SHC4: variants seen among roughly 807,000 people sequenced by gnomAD.
SHC4 encodes the protein SHC adaptor protein 4.
SHC4 carries 41 observed loss-of-function variants against 69.4 expected under a neutral mutation model. That is an observed-to-expected ratio of 0.59 (90% confidence interval 0.46 to 0.77). The LOEUF (loss-of-function observed/expected upper bound fraction) is 0.77. SHC4 is among the 30% of genes least tolerant of loss of function. SHC4 has a pLI of 0.00. For synonymous variants in SHC4, 318 were observed against 299.3 expected, an observed-to-expected ratio of 1.06 and a Z score of -0.64; for missense variants, 777 against 783.8, an observed-to-expected ratio of 0.99 and a Z score of 0.10.
At chr15:48,860,697 T>G (rs1899424037) in intron 6 of SHC4, among the ~76,000 whole-genome samples, 1 of 152,116 alleles carries the variant, frequency 6.6e-6, no homozygotes, top group Non-Finnish European at 1.5e-5. Context: ...AAAAGCTAAA[T>G]TGTACTTCCA....
At chr15:48,928,620 G>A (rs1263945893) in intron 1 of SHC4, among the ~76,000 whole-genome samples, 2 of 152,148 alleles carry the variant, frequency 1.3e-5, no homozygotes, top group Non-Finnish European at 2.9e-5. Flanking sequence ...TGTCTTGGGG[G>A]TGAGAGGAAT....
intron 1 of SHC4, among the ~76,000 whole-genome samples, chr15:48,955,764 T>C (rs1901442424): frequency 1.3e-5 from 2 of 152,222 alleles, no homozygotes; most frequent in Admixed American, 6.5e-5. Context: ...ATTTTAATCA[T>C]GTAGAGGCAT....
At chr15:48,864,641 G>A (rs1293514518) in intron 6 of SHC4, among the ~76,000 whole-genome samples, 21 of 151,654 alleles carry the variant, frequency 1.4e-4, no homozygotes, top group African/African-American at 4.8e-4. Context: ...TAGAGACGGG[G>A]TTTCACCGTG....
intron 9 of SHC4, among the ~76,000 whole-genome samples, chr15:48,847,055 G>C (rs1899107888): frequency 6.7e-6 from 1 of 148,358 alleles, no homozygotes; most frequent in African/African-American, 2.5e-5. Context: ...TTATATTTAA[G>C]TTGGTAATGT....
At chr15:48,879,961 A>G (rs936988086) in intron 4 of SHC4, 31 of 167,128 alleles carry the variant, frequency 1.9e-4, no homozygotes. Context: ...GTTTTTGCCT[A>G]TAAGAATTTG....
intron 4 of SHC4, among the ~76,000 whole-genome samples, chr15:48,873,814 T>C (rs1212736578): frequency 6.6e-6 from 1 of 152,190 alleles, no homozygotes; most frequent in Non-Finnish European, 1.5e-5. Context: ...AAGAGTACTT[T>C]AGTACAAAAC....
rs1595747109 is a variant in SHC4 at position 48,890,736 on chromosome 15, A to G, written c.720+12T>C. Reference sequence around the variant, plus strand: ...AGGGAAACATAAACAAGAAAACCACATCATCATTTACCTTTCGCTTTTTAA... The same window carrying G: ...AGGGAAACATAAACAAGAAAACCACGTCATCATTTACCTTTCGCTTTTTAA... On this transcript the variant is annotated intron_variant, in intron 3 of 11. Transcript: ENST00000332408. 2 of 1,614,074 alleles carry G rather than the reference A, an allele frequency of 1.2e-6. No individual in the cohort carries two copies. The highest frequency in any genetic ancestry group is 2.2e-5 in the East Asian group (1 of 44,892).
At chr15:48,888,092 T>G (rs1900069079) in intron 3 of SHC4, among the ~76,000 whole-genome samples, 1 of 152,184 alleles carries the variant, frequency 6.6e-6, no homozygotes, top group Non-Finnish European at 1.5e-5. Flanking sequence ...AATAACCACA[T>G]GATCCAGCCA....
At position 48,884,354 on chromosome 15, in the gene SHC4, A is replaced by AACTT; in HGVS notation, c.730_733dup (p.Phe245Ter). On this transcript the variant is annotated stop_gained and frameshift_variant, in exon 4 of 12. Coordinates refer to ENST00000332408, the MANE Select transcript of SHC4 (RefSeq NM_203349.4). LOFTEE classifies it high-confidence loss of function. Reference sequence around the variant, plus strand: ...ACTTTTGCCAAGGACTGTTGATAGGAACTTAACTGGAGGCTTTAAAAATTA... The same window carrying AACTT: ...ACTTTTGCCAAGGACTGTTGATAGGAACTTACTTAACTGGAGGCTTTAAAAATTA... The AACTT allele has an allele frequency of 6.3e-7, 1 of 1,599,534 alleles. No individual in the cohort carries two copies.
chr15:48,933,619 A>G (rs1901013115), intron 1 of SHC4, among the ~76,000 whole-genome samples: 1 of 152,202 alleles, frequency 6.6e-6, no homozygotes, highest in South Asian at 2.1e-4. Flanking sequence ...TAATTTCCTG[A>G]CATTCATCTG....
At chr15:48,962,097 T>C (rs796475560) in intron 1 of SHC4, among the ~76,000 whole-genome samples, 1 of 152,188 alleles carries the variant, frequency 6.6e-6, no homozygotes, top group African/African-American at 2.4e-5. Context: ...TCCTTGACTC[T>C]TTTTGGCCAG....
intron 6 of SHC4, 49 bp from the exon 7 acceptor site, chr15:48,857,864 AG>A: frequency 7.1e-7 from 1 of 1,411,224 alleles, no homozygotes; most frequent in Non-Finnish European, 9.3e-7. Context: ...TTTTAGAAAG[AG>A]AAGATTACAT....
intron 11 of SHC4, among the ~76,000 whole-genome samples, chr15:48,831,661 G>A (rs1342024274): frequency 6.6e-6 from 1 of 152,104 alleles, no homozygotes; most frequent in African/African-American, 2.4e-5. Context: ...AAATCATCTA[G>A]CAATGTATTT....
intron 2 of SHC4, among the ~76,000 whole-genome samples, chr15:48,918,498 C>G (rs758377298): frequency 6.6e-6 from 1 of 152,156 alleles, no homozygotes; most frequent in African/African-American, 2.4e-5. Flanking sequence ...TGTTCAACCA[C>G]TATTCAGGTT....
intron 5 of SHC4, among the ~76,000 whole-genome samples, chr15:48,870,776 T>G (rs948268524): frequency 6.6e-6 from 1 of 152,194 alleles, no homozygotes; most frequent in Non-Finnish European, 1.5e-5. Flanking sequence ...TTTTTAAGAA[T>G]TGGCTAATTT....
At position 48,872,145 on chromosome 15, in the gene SHC4, GA is replaced by G. The variant is rs1226713588; in HGVS notation, c.841-4del. The G allele has an allele frequency of 1.3e-6, 2 of 1,553,546 alleles. No individual in the cohort carries two copies. Among genetic ancestry groups the G allele is most frequent in the Admixed American group, 3.5e-5 (2 of 57,474 alleles). On this transcript the variant is annotated splice_polypyrimidine_tract_variant and splice_region_variant and intron_variant, in intron 4 of 11. Transcript: ENST00000332408. ...TGCATATGATGATTTGCAATAATCT[GA>G]AAAACATAAACATGTATACTAATAT...
Position 48,963,907 on chromosome 15 carries a change from TA to T in SHC4, c.-893del, listed in dbSNP as rs906629504. 6.6e-6 allele frequency among the ~76,000 whole-genome samples: 1 copy of T among 152,214 alleles called. No homozygotes were observed. The highest frequency in any genetic ancestry group is 6.5e-5 in the Admixed American group (1 of 15,284). ...ATTTCTCTGTGTGTGTGCAAGCTAA[TA>T]AATCTGTGAATGAAGCTGAGAATAG... On this transcript the variant is annotated 5_prime_UTR_variant, in exon 1 of 12. Coordinates refer to ENST00000332408, the MANE Select transcript of SHC4 (RefSeq NM_203349.4).
Position 48,884,212 on chromosome 15 carries a change from G to T in SHC4, c.840+36C>A, listed in dbSNP as rs369543925. Reference sequence around the variant, plus strand: ...ATCCCCACGCTTCTCTGAAAAAATAGATATGTTTATCTATAAATGACATTT... The same window carrying T: ...ATCCCCACGCTTCTCTGAAAAAATATATATGTTTATCTATAAATGACATTT... On this transcript the variant is annotated intron_variant, in intron 4 of 11. Transcript: ENST00000332408. 273 of 1,566,040 alleles carry T rather than the reference G, an allele frequency of 1.7e-4. 1 individual carries two copies. Among genetic ancestry groups the T allele is most frequent in the South Asian group, 2.0e-4 (17 of 83,216 alleles).
intron 1 of SHC4, among the ~76,000 whole-genome samples, chr15:48,944,595 A>G (rs1383927594): frequency 6.6e-6 from 1 of 152,164 alleles, no homozygotes; most frequent in African/African-American, 2.4e-5. Flanking sequence ...TGATGACTGA[A>G]TCCCTGGCCA....
Sources: gnomAD v4.1 joint callset for allele counts (sites outside exome capture counted in the v4.1 genomes callset) on GRCh38, gnomAD v4.1.1 for gene constraint, MANE v1.5 for transcripts, NCBI Gene and HGNC (gene_info 2026-07-23, HGNC 2026-07-21) for gene names.